Variants in GABRA4 observed in about 807,000 individuals in gnomAD.
GABRA4 encodes the protein gamma-aminobutyric acid type A receptor subunit alpha4.
Under a neutral mutation model 49.7 loss-of-function variants are expected in GABRA4, and 12 were observed. That is an observed-to-expected ratio of 0.24 (90% CI 0.15 to 0.39). GABRA4 has a LOEUF of 0.39. Ranked by LOEUF, GABRA4 falls within the 10% of genes least tolerant of loss-of-function variation. The probability of loss-of-function intolerance (pLI) is 1.00; values close to 1 mark genes in which losing one functional copy is unlikely to be tolerated. For missense variants in GABRA4, 506 were observed against 686.0 expected (o/e 0.74, Z 2.93); for synonymous variants, 288 against 240.2 (o/e 1.20, Z -1.84).
At chr4:46,975,247 A>C (rs1296336482) in intron 5 of GABRA4, among the ~76,000 whole-genome samples, 4 of 152,004 alleles carry the variant, frequency 2.6e-5, no homozygotes, top group Non-Finnish European at 5.9e-5. Context: ...GGAATCATTT[A>C]ATTCTTCAAA....
chr4:46,931,697 T>C (rs1721441553), intron 8 of GABRA4, among the ~76,000 whole-genome samples: 1 of 152,112 alleles, frequency 6.6e-6, no homozygotes, highest in Non-Finnish European at 1.5e-5. Context: ...TTCCAATTCT[T>C]AACCTCAACA....
At chr4:46,975,517 G>C (rs1267114533) in intron 5 of GABRA4, among the ~76,000 whole-genome samples, 1 of 151,886 alleles carries the variant, frequency 6.6e-6, no homozygotes, top group Non-Finnish European at 1.5e-5. Context: ...AAGCATGGGG[G>C]TTTTAAATAG....
At chr4:46,980,408 T>A (rs1723317722) in intron 2 of GABRA4, among the ~76,000 whole-genome samples, 1 of 148,932 alleles carries the variant, frequency 6.7e-6, no homozygotes, top group Non-Finnish European at 1.5e-5. Context: ...GAAATTGGTA[T>A]CACTTAATTC....
chr4:46,931,547 C>G (rs966587483), intron 8 of GABRA4, among the ~76,000 whole-genome samples: 2 of 152,070 alleles, frequency 1.3e-5, no homozygotes, highest in African/African-American at 4.8e-5. Context: ...CTTTATATTC[C>G]TGCCTCCATA....
chr4:46,970,779 C>T lies in GABRA4; in HGVS notation c.874+304G>A, dbSNP rs1330024450. 1.2e-4 allele frequency among the ~76,000 whole-genome samples: 18 copies of T among 151,506 alleles called. 1 individual carries two copies. The highest frequency in any genetic ancestry group is 1.2e-3 in the Admixed American group (18 of 15,160). On this transcript the variant is annotated intron_variant, in intron 7 of 8. Transcript: ENST00000264318. Reference sequence around the variant, plus strand: ...GAGATATAATTTTAATTCAATTACACAGCATTATACTAGGAGCCCAAGAAT... The same window carrying T: ...GAGATATAATTTTAATTCAATTACATAGCATTATACTAGGAGCCCAAGAAT...
Position 46,955,702 on chromosome 4 carries a change from C to CA in GABRA4, c.1134+9267dup, listed in dbSNP as rs879929661. ...GTATTTCATAAATATAACAGGTTCCCAGTATGTAACTGAATATAAAGGTTT... is the reference window on the plus strand; with the variant it reads ...GTATTTCATAAATATAACAGGTTCCCAAGTATGTAACTGAATATAAAGGTTT... On this transcript the variant is annotated intron_variant, in intron 8 of 8. Transcript: ENST00000264318. Among the ~76,000 whole-genome samples the CA allele has an allele frequency of 2.0e-5, 3 of 152,084 alleles. No individual in the cohort carries two copies. In the East Asian group the frequency reaches 5.8e-4, roughly 29 times the overall value.
At chr4:46,953,675 G>T (rs930518592) in intron 8 of GABRA4, among the ~76,000 whole-genome samples, 2 of 152,148 alleles carry the variant, frequency 1.3e-5, no homozygotes, top group African/African-American at 4.8e-5. Context: ...TCTAAAAAAT[G>T]TGATTAATTT....
intron 7 of GABRA4, among the ~76,000 whole-genome samples, chr4:46,969,483 G>A (rs1197172668): frequency 6.6e-6 from 1 of 151,522 alleles, no homozygotes; most frequent in African/African-American, 2.4e-5. Context: ...AGTGTTAAAT[G>A]AGATAATGAA....
Position 46,927,780 on chromosome 4 carries a change from C to T in GABRA4, c.*445G>A, listed in dbSNP as rs1721278105. The T allele has an allele frequency of 6.4e-6, 1 of 155,310 alleles. No homozygotes were observed. The highest frequency in any genetic ancestry group is 1.4e-5 in the Non-Finnish European group (1 of 70,314). The allele number at this position is 155,310 out of a possible 1,614,324, so 9.6% of individuals were successfully genotyped here. A position where few individuals can be genotyped will look rare whatever the true frequency, so the allele number is the denominator to read the frequency against. On this transcript the variant is annotated 3_prime_UTR_variant, in exon 9 of 9. Coordinates refer to ENST00000264318, the MANE Select transcript of GABRA4 (RefSeq NM_000809.4). ...CAGGAAAATTCCTTTTCTTGAAGTTCCTAAGAAGATCACCAAAGGTCACTG... is the reference window on the plus strand; with the variant it reads ...CAGGAAAATTCCTTTTCTTGAAGTTTCTAAGAAGATCACCAAAGGTCACTG...
At position 46,993,484 on chromosome 4, in the gene GABRA4, G is replaced by A; in HGVS notation, c.-60C>T. 1.9e-6 allele frequency: 3 copies of A among 1,563,408 alleles called. No individual in the cohort carries two copies. The highest frequency in any genetic ancestry group is 1.7e-5 in the Admixed American group (1 of 59,720). On this transcript the variant is annotated 5_prime_UTR_variant, in exon 1 of 9. Coordinates refer to ENST00000264318, the MANE Select transcript of GABRA4 (RefSeq NM_000809.4). ...TTTCCAGGCTCTTCAGATGCCCTGA[G>A]CAGGGTGCGAGGAGAGGGCAGAGAG...
At chr4:46,957,633 T>A in intron 8 of GABRA4, among the ~76,000 whole-genome samples, 1 of 152,002 alleles carries the variant, frequency 6.6e-6, no homozygotes, top group Admixed American at 6.6e-5. Context: ...TCATTAAATG[T>A]GCTTCATCTC....
At chr4:46,939,699 A>C (rs1471454736) in intron 8 of GABRA4, among the ~76,000 whole-genome samples, 2 of 152,030 alleles carry the variant, frequency 1.3e-5, no homozygotes, top group African/African-American at 4.8e-5. Flanking sequence ...TGATCTTTGT[A>C]AACAGTTTGG....
At chr4:46,963,387 T>C (rs1722646618) in intron 8 of GABRA4, among the ~76,000 whole-genome samples, 5 of 151,768 alleles carry the variant, frequency 3.3e-5, no homozygotes. Context: ...CAGGGGGAAG[T>C]AATTGAATCA....
At chr4:46,971,279 C>A (rs766754372) in intron 6 of GABRA4, 44 bp from the exon 7 acceptor site, 4 of 1,552,448 alleles carry the variant, frequency 2.6e-6, no homozygotes, top group Non-Finnish European at 3.5e-6. Flanking sequence ...GTTCTGCAGG[C>A]AATTAGTCAA....
Position 46,928,328 on chromosome 4 carries a change from T to C in GABRA4, c.1562A>G (p.Tyr521Cys). 4.3e-6 allele frequency: 7 copies of C among 1,613,512 alleles called. No individual in the cohort carries two copies. The highest frequency in any genetic ancestry group is 5.9e-6 in the Non-Finnish European group (7 of 1,179,638). The change falls in exon 9 of 9, where the codon TAT (tyrosine) becomes TGT (cysteine). Residue 521 changes from tyrosine (Y) to cysteine (C), a missense_variant. Physicochemically the swap from Tyr to Cys is radical, Grantham distance 194 (BLOSUM62 -2). This residue lies in a region of GABRA4 where 6 missense variants were observed against 21.6 expected (regional missense o/e 0.28). Coordinates refer to ENST00000264318, the MANE Select transcript of GABRA4 (RefSeq NM_000809.4). ...SGSGTSKIDK[Y>C]ARILFPVTFG... ...TGTGACTGGAAAGAGAATACGGGCATATTTGTCTATTTTACTTGTGCCAGA... is the reference window on the plus strand; with the variant it reads ...TGTGACTGGAAAGAGAATACGGGCACATTTGTCTATTTTACTTGTGCCAGA...
chr4:46,967,546 A>C (rs2109379353), intron 7 of GABRA4, among the ~76,000 whole-genome samples: 1 of 151,694 alleles, frequency 6.6e-6, no homozygotes, highest in African/African-American at 2.4e-5. Context: ...TTCATGAGTT[A>C]AGTGGTGATG....
chr4:46,968,027 A>G (rs941534516), intron 7 of GABRA4, among the ~76,000 whole-genome samples: 2 of 151,572 alleles, frequency 1.3e-5, no homozygotes, highest in East Asian at 1.9e-4. Context: ...TCCTTTTATT[A>G]CACTGATTTT....
At chr4:46,940,034 A>G (rs1452759171) in intron 8 of GABRA4, among the ~76,000 whole-genome samples, 1 of 152,060 alleles carries the variant, frequency 6.6e-6, no homozygotes, top group Admixed American at 6.6e-5. Context: ...AATCTAGCTG[A>G]GCAAAGTTGT....
chr4:46,992,937 T>A lies in GABRA4; in HGVS notation c.96A>T (p.Glu32Asp). ...RFLCLAVCLNESPGQNQKEEK... is the reference protein window; with the variant it reads ...RFLCLAVCLNDSPGQNQKEEK... The stretch of plus-strand genomic sequence containing the variant: ...CCTCCTTTTGGTTCTGTCCTGGGGA[T>A]TCGTTTAAACTGCAAGCGAAAAAAA... Residue 32 changes from glutamate (E) to aspartate (D), a missense_variant, in exon 2 of 9, where the codon GAA becomes GAT. Physicochemically the swap from Glu to Asp is conservative, Grantham distance 45. Around this residue, in one of 5 missense-constraint regions of GABRA4, gnomAD observed 195 missense variants for 326.0 expected, o/e 0.60. Transcript: ENST00000264318. The A allele has an allele frequency of 1.9e-6, 3 of 1,608,296 alleles. No individual in the cohort carries two copies. Among genetic ancestry groups the A allele is most frequent in the Non-Finnish European group, 2.5e-6 (3 of 1,177,666 alleles).
Sources: gnomAD v4.1 joint callset for allele counts (sites outside exome capture counted in the v4.1 genomes callset) on GRCh38, gnomAD v4.1.1 for gene constraint, gnomAD v4.1.1 regional missense constraint, MANE v1.5 for transcripts, NCBI Gene and HGNC (gene_info 2026-07-23, HGNC 2026-07-21) for gene names.